The following DLC1 variants were observed in gnomAD, a reference collection of about 807,000 sequenced individuals.
DLC1 encodes rho GTPase-activating protein 7.
Under a neutral mutation model 140.3 loss-of-function variants are expected in DLC1, and 54 were observed. The observed-to-expected ratio is 0.38, with a 90% CI of 0.31 to 0.48. DLC1 has a LOEUF of 0.48. DLC1 is among the 20% of genes least tolerant of loss of function. DLC1 has a pLI of 0.96. For missense variants in DLC1, 2,536 were observed against 1,907.0 expected (o/e 1.33, Z -6.14); for synonymous variants, 986 against 728.1 (o/e 1.35, Z -5.70).
At chr8:13,268,999 G>A (rs1428829742) in intron 5 of DLC1, among the ~76,000 whole-genome samples, 3 of 149,564 alleles carry the variant, frequency 2.0e-5, no homozygotes, top group African/African-American at 7.4e-5. Context: ...CTCAGCCTCC[G>A]AGTAGCTGGG....
chr8:13,383,208 C>T (rs567005756), intron 4 of DLC1, among the ~76,000 whole-genome samples: 9 of 152,286 alleles, frequency 5.9e-5, no homozygotes, highest in African/African-American at 2.2e-4. Flanking sequence ...TGAATGATTC[C>T]AGCCAAAGAC....
intron 5 of DLC1, among the ~76,000 whole-genome samples, chr8:13,207,289 C>A (rs770688856): frequency 1.5e-4 from 23 of 152,058 alleles, no homozygotes; most frequent in Non-Finnish European, 2.8e-4. Context: ...TATATATTTA[C>A]TAGTAAAATT....
intron 1 of DLC1, chr8:13,557,860 C>G (rs1012750078): frequency 2.6e-5 from 4 of 152,176 alleles, no homozygotes; most frequent in Admixed American, 1.3e-4. Context: ...AGAGACAAAT[C>G]TCTAAATTTT....
chr8:13,582,878 CTATATATA>C (rs55681527), intron 1 of DLC1, among the ~76,000 whole-genome samples: 10,550 of 102,786 alleles, frequency 0.1, 773 homozygotes, highest in African/African-American at 0.2. Flanking sequence ...ATACTGTGGT[CTATATATA>C]TATATATATA....
chr8:13,424,504 C>G (rs945949686), intron 2 of DLC1, among the ~76,000 whole-genome samples: 3 of 151,954 alleles, frequency 2.0e-5, no homozygotes, highest in Non-Finnish European at 4.4e-5. Context: ...ATAATAATAA[C>G]AATAAAATAA....
upstream of DLC1, among the ~76,000 whole-genome samples, chr8:13,516,833 T>A (rs189723809): frequency 5.9e-5 from 9 of 152,314 alleles, no homozygotes; most frequent in East Asian, 1.9e-4. Flanking sequence ...TGTTTTATTT[T>A]ACAAATAAAG....
intron 5 of DLC1, among the ~76,000 whole-genome samples, chr8:13,210,869 T>C (rs536551172): frequency 7.9e-5 from 12 of 152,342 alleles, no homozygotes; most frequent in African/African-American, 2.6e-4. Context: ...CTGAAGTTCT[T>C]CTGCCTTAAA....
intron 5 of DLC1, among the ~76,000 whole-genome samples, chr8:13,170,534 TC>T (rs1218872212): frequency 6.6e-6 from 1 of 152,020 alleles, no homozygotes; most frequent in African/African-American, 2.4e-5. Flanking sequence ...ATCGAGACCA[TC>T]CTGGCCAACA....
rs891745186 is a variant in DLC1 at position 13,580,319 on chromosome 8, C to T, written c.-126+24218G>A. Among the ~76,000 whole-genome samples, 76 of 152,188 alleles carry T rather than the reference C, an allele frequency of 5.0e-4. 1 individual carries two copies. Among genetic ancestry groups the T allele is most frequent in the African/African-American group, 1.7e-3 (72 of 41,526 alleles). On this transcript the variant is annotated intron_variant, in intron 1 of 1. Transcript: ENST00000631382. Reference sequence around the variant, plus strand: ...TGTATTTTTAGTAGAGACAGGGTTTCGCCGTGTTAGCCAGGATGGCCTCGA... The same window carrying T: ...TGTATTTTTAGTAGAGACAGGGTTTTGCCGTGTTAGCCAGGATGGCCTCGA...
intron 4 of DLC1, among the ~76,000 whole-genome samples, chr8:13,374,960 G>A (rs938076967): frequency 1.3e-5 from 2 of 151,660 alleles, no homozygotes; most frequent in Non-Finnish European, 2.9e-5. Flanking sequence ...TGAAGCAATT[G>A]TGAATGGGAG....
intron 1 of DLC1, among the ~76,000 whole-genome samples, chr8:13,569,284 A>G (rs41469551): frequency 0.15 from 22,279 of 152,168 alleles, 1,879 homozygotes; most frequent in East Asian, 0.25. Context: ...GTTTGCAAAA[A>G]TCAGCACAGA....
At chr8:13,130,485 C>T (rs1398464843) in intron 5 of DLC1, among the ~76,000 whole-genome samples, 1 of 152,216 alleles carries the variant, frequency 6.6e-6, no homozygotes, top group Non-Finnish European at 1.5e-5. Flanking sequence ...GCTCTCTCAA[C>T]TACAGTACAG....
At chr8:13,173,750 A>C (rs935150364) in intron 5 of DLC1, among the ~76,000 whole-genome samples, 4 of 152,296 alleles carry the variant, frequency 2.6e-5, no homozygotes, top group African/African-American at 9.6e-5. Flanking sequence ...ATAAAACTAC[A>C]GATTTCGAAT....
chr8:13,225,874 G>C (rs977862410), intron 5 of DLC1, among the ~76,000 whole-genome samples: 1 of 151,948 alleles, frequency 6.6e-6, no homozygotes, highest in East Asian at 1.9e-4. Flanking sequence ...CTTGGCCTCC[G>C]ACTGTGCTGG....
At chr8:13,141,256 C>CAAAAAAAAAAAAAAAAAA (rs34321250) in intron 5 of DLC1, among the ~76,000 whole-genome samples, 18 of 63,766 alleles carry the variant, frequency 2.8e-4, no homozygotes, top group East Asian at 1.2e-3. Context: ...GAGTCTGTCT[C>CAAAAAAAAAAAAAAAAAA]AAAAAAAAAA....
intron 5 of DLC1, among the ~76,000 whole-genome samples, chr8:13,175,823 C>T (rs1315145139): frequency 1.3e-5 from 2 of 152,194 alleles, no homozygotes; most frequent in East Asian, 1.9e-4. Flanking sequence ...TGATACAGAA[C>T]TGTTCTCTCA....
rs1190883990 is a variant in DLC1 at position 13,219,272 on chromosome 8, TATA to T, written c.1348+85994_1348+85996del. Reference sequence around the variant, plus strand: ...TTGAATATGAATATAACTATATAATTATAATATGAATATAATTATATAGTTATA... The same window carrying T: ...TTGAATATGAATATAACTATATAATTATATGAATATAATTATATAGTTATA... On this transcript the variant is annotated intron_variant, in intron 5 of 17. Coordinates refer to ENST00000276297, the MANE Select transcript of DLC1 (RefSeq NM_182643.3). 1.7e-4 allele frequency among the ~76,000 whole-genome samples: 24 copies of T among 138,778 alleles called. No homozygotes were observed. The East Asian group carries it at 3.3e-3, about 19-fold the overall frequency. The allele number at this position is 138,778 out of a possible 152,430, so 91.0% of individuals were successfully genotyped here.
intron 1 of DLC1, chr8:13,557,670 C>G (rs1430966514): frequency 6.6e-6 from 1 of 152,286 alleles, no homozygotes; most frequent in Non-Finnish European, 1.5e-5. Flanking sequence ...TGCCTGTTAC[C>G]CCTTCACCTT....
chr8:13,407,922 A>C (rs1585055451), intron 2 of DLC1, among the ~76,000 whole-genome samples: 1 of 152,324 alleles, frequency 6.6e-6, no homozygotes, highest in African/African-American at 2.4e-5. Context: ...TTTGACAATA[A>C]ATTTCTCATT....
Sources: gnomAD v4.1 joint callset for allele counts (sites outside exome capture counted in the v4.1 genomes callset) on GRCh38, gnomAD v4.1.1 for gene constraint, MANE v1.5 for transcripts, NCBI Gene and HGNC (gene_info 2026-07-23, HGNC 2026-07-21) for gene names.